The following DDAH1 variants were observed in gnomAD, a reference collection of about 807,000 sequenced individuals.
DDAH1 encodes the protein dimethylarginine dimethylaminohydrolase 1.
DDAH1 carries 19 observed loss-of-function variants against 28.8 expected under a neutral mutation model. The ratio of observed to expected loss-of-function variants is 0.66; its 90% confidence interval spans 0.46 to 0.97. The LOEUF is 0.97. Among genes scored for constraint, DDAH1 ranks in the 50% least tolerant of loss-of-function variants. The pLI, the probability that DDAH1 is intolerant of heterozygous loss-of-function variation, is 0.00. For synonymous variants in DDAH1, 153 were observed against 154.4 expected, an observed-to-expected ratio of 0.99 and a Z score of 0.07; for missense variants, 326 against 375.9, an observed-to-expected ratio of 0.87 and a Z score of 1.10.
intron 2 of DDAH1, among the ~76,000 whole-genome samples, chr1:85,492,575 G>T (rs182912800): frequency 6.6e-6 from 1 of 152,132 alleles, no homozygotes; most frequent in Non-Finnish European, 1.5e-5. Context: ...ATATCAGCAC[G>T]TGGAATTTCC....
At chr1:85,564,747 G>A (rs1429368534) in intron 1 of DDAH1, among the ~76,000 whole-genome samples, 1 of 151,730 alleles carries the variant, frequency 6.6e-6, no homozygotes, top group Non-Finnish European at 1.5e-5. Context: ...GCGGGTGCCT[G>A]TAATCCCAGC....
chr1:85,551,668 A>G (rs1164167978), intron 1 of DDAH1, among the ~76,000 whole-genome samples: 3 of 152,248 alleles, frequency 2.0e-5, no homozygotes, highest in Non-Finnish European at 4.4e-5. Flanking sequence ...AAAAATAAAC[A>G]TGAAATACAC....
At chr1:85,355,710 AAC>A (rs1444884822) in intron 2 of DDAH1, among the ~76,000 whole-genome samples, 1 of 152,190 alleles carries the variant, frequency 6.6e-6, no homozygotes, top group Non-Finnish European at 1.5e-5. Context: ...TGTACATAGA[AAC>A]ACAGAAGATA....
chr1:85,468,382 A>G (rs974781519), upstream of DDAH1, among the ~76,000 whole-genome samples: 19 of 152,214 alleles, frequency 1.2e-4, no homozygotes, highest in Admixed American at 1.2e-3. Context: ...AGCCTGGGTA[A>G]TTTATAAAGG....
intron 2 of DDAH1, among the ~76,000 whole-genome samples, chr1:85,351,973 A>G (rs1267351932): frequency 6.6e-6 from 1 of 152,196 alleles, no homozygotes; most frequent in East Asian, 1.9e-4. Flanking sequence ...TATGTTATGT[A>G]TATTTTACTA....
intron 1 of DDAH1, among the ~76,000 whole-genome samples, chr1:85,375,602 G>A (rs1452326334): frequency 1.3e-5 from 2 of 152,092 alleles, no homozygotes; most frequent in African/African-American, 4.8e-5. Context: ...AGACGGTGTT[G>A]ATCACATCAG....
At chr1:85,504,251 C>T (rs947397296) in intron 1 of DDAH1, among the ~76,000 whole-genome samples, 6 of 152,146 alleles carry the variant, frequency 3.9e-5, no homozygotes, top group African/African-American at 9.7e-5. Flanking sequence ...GTACAGGATA[C>T]TGGATCTACT....
intron 4 of DDAH1, 53 bp from the exon 5 acceptor site, chr1:85,324,936 A>AC: frequency 6.2e-7 from 1 of 1,600,894 alleles, no homozygotes; most frequent in Non-Finnish European, 8.5e-7. Flanking sequence ...ACACTTTCAA[A>AC]CAGAAGGAAG....
intron 1 of DDAH1, among the ~76,000 whole-genome samples, chr1:85,402,007 A>G (rs1570490602): frequency 2.6e-5 from 4 of 152,070 alleles, no homozygotes; most frequent in African/African-American, 9.7e-5. Context: ...TTTTTTAGAG[A>G]CAGGGTCTTG....
chr1:85,382,935 C>CA (rs2100911766), intron 1 of DDAH1, among the ~76,000 whole-genome samples: 1 of 152,288 alleles, frequency 6.6e-6, no homozygotes, highest in South Asian at 2.1e-4. Flanking sequence ...AGATTGCTTT[C>CA]AAAATATTAC....
chr1:85,472,953 T>C (rs1368859345), intron 2 of DDAH1, among the ~76,000 whole-genome samples: 1 of 152,244 alleles, frequency 6.6e-6, no homozygotes, highest in East Asian at 1.9e-4. Context: ...CTCCCACTTT[T>C]AAGTGAGAAC....
At chr1:85,396,000 ATTAATTAC>A (rs1262582609) in intron 1 of DDAH1, among the ~76,000 whole-genome samples, 1 of 152,206 alleles carries the variant, frequency 6.6e-6, no homozygotes, top group Non-Finnish European at 1.5e-5. Context: ...TTCTTAGGTC[ATTAATTAC>A]TTAGGAAAAC....
chr1:85,571,111 C>T (rs1481088761), intron 1 of DDAH1, among the ~76,000 whole-genome samples: 3 of 152,198 alleles, frequency 2.0e-5, no homozygotes, highest in Non-Finnish European at 2.9e-5. Context: ...TCAGAGGGCT[C>T]TCCTGAACAT....
chr1:85,331,423 G>GTATGTATATGTATGTATATA (rs111876317), intron 4 of DDAH1, among the ~76,000 whole-genome samples: 3 of 148,506 alleles, frequency 2.0e-5, no homozygotes, highest in African/African-American at 4.9e-5. Flanking sequence ...ATTCATATAT[G>GTATGTATATGTATGTATATA]TATATATATA....
intron 1 of DDAH1, among the ~76,000 whole-genome samples, chr1:85,417,969 C>T (rs1484029236): frequency 6.6e-6 from 1 of 152,200 alleles, no homozygotes; most frequent in African/African-American, 2.4e-5. Context: ...GATTACAAAT[C>T]ATAGTTGCTT....
Position 85,405,376 on chromosome 1 carries a change from T to C in DDAH1, c.304-46529A>G, listed in dbSNP as rs17127172. 6.0e-3 allele frequency among the ~76,000 whole-genome samples: 911 copies of C among 152,300 alleles called. 13 individuals are homozygous for C. The highest frequency in any genetic ancestry group is 0.043 in the Admixed American group (654 of 15,292). On this transcript the variant is annotated intron_variant, in intron 1 of 5. Coordinates refer to ENST00000284031, the MANE Select transcript of DDAH1 (RefSeq NM_012137.4). Reference sequence around the variant, plus strand: ...TAAAAAACTTAACTGTAAAAAACACTGTATGTAGTTCTATAGACGGCATGC... The same window carrying C: ...TAAAAAACTTAACTGTAAAAAACACCGTATGTAGTTCTATAGACGGCATGC...
At position 85,342,387 on chromosome 1, in the gene DDAH1, AGT is replaced by A. The variant is rs58992773; in HGVS notation, c.597+8026_597+8027del. Among the ~76,000 whole-genome samples, 1,343 of 147,284 alleles carry A rather than the reference AGT, an allele frequency of 9.1e-3. 12 individuals carry two copies. Among genetic ancestry groups the A allele is most frequent in the African/African-American group, 0.027 (1,099 of 40,350 alleles). On this transcript the variant is annotated intron_variant, in intron 4 of 5. Coordinates refer to ENST00000284031, the MANE Select transcript of DDAH1 (RefSeq NM_012137.4). ...GGTCCTGTTGTTAGGTTTTTCTATGAGTGTGTGTGTGTGTGTGTGTGTGTGTT... is the reference window on the plus strand; with the variant it reads ...GGTCCTGTTGTTAGGTTTTTCTATGAGTGTGTGTGTGTGTGTGTGTGTGTT...
intron 1 of DDAH1, among the ~76,000 whole-genome samples, chr1:85,400,185 T>TTC (rs1652009833): frequency 2.1e-5 from 1 of 46,696 alleles, no homozygotes; most frequent in South Asian, 5.6e-4. Flanking sequence ...TTCTTTTTTT[T>TTC]TTTTTTTTTT....
In DDAH1 at chr1:85,550,825, C is replaced by T. The variant is rs990764394; in HGVS notation, c.-123+27159G>A. On this transcript the variant is annotated intron_variant, in intron 1 of 6. Coordinates refer to the DDAH1 transcript ENST00000426972. ...TTAACTTGAGGCTTAAGAAGGCAGA[C>T]GTGTCATCTATCTGCTCTAGCCATT... Among the ~76,000 whole-genome samples, 5 of 152,248 alleles carry T rather than the reference C, an allele frequency of 3.3e-5. No individual in the cohort carries two copies. The East Asian group carries it at 5.8e-4, about 18-fold the overall frequency.
Sources: gnomAD v4.1 joint callset for allele counts (sites outside exome capture counted in the v4.1 genomes callset) on GRCh38, gnomAD v4.1.1 for gene constraint, MANE v1.5 for transcripts, NCBI Gene and HGNC (gene_info 2026-07-23, HGNC 2026-07-21) for gene names.